MYO3B: variants seen among roughly 807,000 people sequenced by gnomAD.
MYO3B encodes myosin IIIB, also known as myosin-IIIb.
In MYO3B, 156 loss-of-function variants were observed where a neutral mutation model predicts 174.6. That is an observed-to-expected ratio of 0.89 (90% CI 0.78 to 1.02). The LOEUF is 1.02. Ranked by LOEUF, MYO3B falls within the 50% of genes least tolerant of loss-of-function variation. MYO3B has a pLI of 0.00. For missense variants in MYO3B, 1,632 were observed against 1,639.4 expected (o/e 1.00, Z 0.08); for synonymous variants, 563 against 569.1 (o/e 0.99, Z 0.15).
intron 32 of MYO3B, among the ~76,000 whole-genome samples, chr2:170,551,135 A>G (rs568952562): frequency 9.9e-4 from 150 of 152,168 alleles, no homozygotes; most frequent in Non-Finnish European, 1.8e-3. Context: ...CCTGGACTCA[A>G]GTCATCCATC....
At chr2:170,399,273 G>A (rs1461430238) in intron 16 of MYO3B, among the ~76,000 whole-genome samples, 1,314 of 67,454 alleles carry the variant, frequency 0.019, 142 homozygotes, top group East Asian at 0.038. Flanking sequence ...AAAAGAGAGA[G>A]ACCAGTCTGG....
intron 32 of MYO3B, among the ~76,000 whole-genome samples, chr2:170,631,709 G>A (rs1296781149): frequency 1.3e-5 from 2 of 152,072 alleles, no homozygotes; most frequent in Non-Finnish European, 2.9e-5. Flanking sequence ...GGATCTCTCA[G>A]CAGAAACTCT....
chr2:170,383,634 C>G (rs2094352138), intron 11 of MYO3B, 76 bp from the exon 12 acceptor site: 2 of 1,115,422 alleles, frequency 1.8e-6, no homozygotes, highest in Middle Eastern at 4.7e-4. Context: ...GTGACAGATT[C>G]TTGGTTTCAT....
At chr2:170,292,233 C>G (rs2093601367) in intron 7 of MYO3B, among the ~76,000 whole-genome samples, 1 of 152,122 alleles carries the variant, frequency 6.6e-6, no homozygotes, top group South Asian at 2.1e-4. Context: ...TTCATTTCAG[C>G]AAATGTATTT....
chr2:170,200,004 C>T (rs2092643336), intron 2 of MYO3B, 146 bp from the exon 3 acceptor site: 2 of 581,950 alleles, frequency 3.4e-6, no homozygotes, highest in Non-Finnish European at 5.5e-6. Flanking sequence ...ATCTGAATGT[C>T]CATTGTTAGA....
At chr2:170,319,349 C>T (rs1212273189) in intron 7 of MYO3B, among the ~76,000 whole-genome samples, 1 of 152,136 alleles carries the variant, frequency 6.6e-6, no homozygotes, top group Middle Eastern at 3.2e-3. Context: ...GCCTCCATCC[C>T]ACCCCAATGA....
intron 8 of MYO3B, among the ~76,000 whole-genome samples, chr2:170,357,690 G>A (rs946914320): frequency 6.6e-6 from 1 of 152,058 alleles, no homozygotes; most frequent in Middle Eastern, 3.2e-3. Context: ...TGCATACGTT[G>A]GTAGGAATAT....
intron 3 of MYO3B, among the ~76,000 whole-genome samples, chr2:170,214,086 T>G (rs528544041): frequency 6.6e-6 from 1 of 152,346 alleles, no homozygotes; most frequent in East Asian, 1.9e-4. Flanking sequence ...TGTAAAAAAT[T>G]TCTAATTGTG....
intron 32 of MYO3B, chr2:170,601,896 T>G (rs1041586447): frequency 1.7e-4 from 144 of 841,352 alleles, no homozygotes; most frequent in East Asian, 6.5e-4. Flanking sequence ...CTTTGATTTT[T>G]GGGCAATACT....
intron 32 of MYO3B, among the ~76,000 whole-genome samples, chr2:170,621,660 C>G (rs967840247): frequency 4.0e-5 from 6 of 151,892 alleles, no homozygotes; most frequent in South Asian, 2.1e-4. Context: ...CAGATGTGCA[C>G]CACCAGGCCC....
chr2:170,509,829 GT>G (rs1327653970), intron 28 of MYO3B, among the ~76,000 whole-genome samples: 4 of 152,278 alleles, frequency 2.6e-5, no homozygotes, highest in Admixed American at 6.5e-5. Context: ...TGGAAAGCAA[GT>G]TGCCTTTCAG....
At chr2:170,531,459 C>T (rs1458947742) in intron 30 of MYO3B, among the ~76,000 whole-genome samples, 1 of 152,102 alleles carries the variant, frequency 6.6e-6, no homozygotes, top group Non-Finnish European at 1.5e-5. Context: ...CTTCAGTTTC[C>T]TCATCTTTAA....
At chr2:170,190,571 A>T (rs2092528397) in intron 1 of MYO3B, among the ~76,000 whole-genome samples, 1 of 152,048 alleles carries the variant, frequency 6.6e-6, no homozygotes, top group Non-Finnish European at 1.5e-5. Context: ...CACAAGACAA[A>T]GTCCTTCCCA....
Position 170,391,499 on chromosome 2 carries a change from TA to T in MYO3B, c.1578-18del. On this transcript the variant is annotated intron_variant, in intron 14 of 34. Coordinates refer to ENST00000408978, the MANE Select transcript of MYO3B (RefSeq NM_138995.5). ...TGGGGAAGCCAGAATATATTATTAC[TA>T]AAGTCTCTTTTTTTTTCAGGAGAGA... 8.1e-7 allele frequency: 1 copy of T among 1,228,330 alleles called. No individual in the cohort carries two copies. Among genetic ancestry groups the T allele is most frequent in the Non-Finnish European group, 1.1e-6 (1 of 877,308 alleles). The allele number at this position is 1,228,330 out of a possible 1,614,324, so 76.1% of individuals were successfully genotyped here.
At chr2:170,505,283 C>A (rs534515100) in intron 28 of MYO3B, among the ~76,000 whole-genome samples, 4 of 152,206 alleles carry the variant, frequency 2.6e-5, no homozygotes, top group East Asian at 3.9e-4. Context: ...AGGTGGGAAG[C>A]AACTCTGCAT....
intron 7 of MYO3B, among the ~76,000 whole-genome samples, chr2:170,329,854 C>T (rs1048368253): frequency 1.3e-5 from 2 of 152,180 alleles, no homozygotes; most frequent in Non-Finnish European, 1.5e-5. Flanking sequence ...ACACGACTAA[C>T]TATTCAACTT....
intron 8 of MYO3B, chr2:170,341,564 G>A (rs1414397069): frequency 6.6e-6 from 1 of 152,132 alleles, no homozygotes; most frequent in African/African-American, 2.4e-5. Context: ...TAGCTATTAT[G>A]ATTTCTTGAA....
At chr2:170,418,356 T>C (rs2105847814) in intron 22 of MYO3B, among the ~76,000 whole-genome samples, 1 of 152,352 alleles carries the variant, frequency 6.6e-6, no homozygotes, top group South Asian at 2.1e-4. Flanking sequence ...AAAATGCATC[T>C]TTTTATTAGC....
chr2:170,629,786 A>G (rs1696791428), intron 32 of MYO3B, among the ~76,000 whole-genome samples: 1 of 152,184 alleles, frequency 6.6e-6, no homozygotes, highest in Non-Finnish European at 1.5e-5. Flanking sequence ...GGAGGCAGAC[A>G]TTGCAGTTAG....
Sources: allele counts gnomAD v4.1 joint callset (sites outside exome capture counted in the v4.1 genomes callset), GRCh38; gene constraint gnomAD v4.1.1; transcripts MANE v1.5; gene names NCBI Gene and HGNC (gene_info 2026-07-23, HGNC 2026-07-21).